Variants in GLIS3 observed in about 807,000 individuals in gnomAD.
GLIS3 encodes the protein zinc finger protein GLIS3.
GLIS3 carries 53 observed loss-of-function variants against 78.6 expected under a neutral mutation model. The observed-to-expected ratio is 0.67, with a 90% CI of 0.54 to 0.85. The LOEUF (loss-of-function observed/expected upper bound fraction) is 0.85, where lower values mean the gene tolerates loss of function less well. Ranked by LOEUF, GLIS3 falls within the 40% of genes least tolerant of loss-of-function variation. The pLI is 0.00. For synonymous variants in GLIS3, 684 were observed against 509.9 expected (o/e 1.34, Z -4.60); for missense variants, 1,703 against 1,231.1 (o/e 1.38, Z -5.74).
At chr9:3,916,093 A>G (rs951121899) in intron 6 of GLIS3, among the ~76,000 whole-genome samples, 1 of 152,238 alleles carries the variant, frequency 6.6e-6, no homozygotes, top group Non-Finnish European at 1.5e-5. Context: ...ATAATAATCA[A>G]TCCTTCTGAG....
chr9:4,247,177 CAA>C (rs1823881691), intron 2 of GLIS3, among the ~76,000 whole-genome samples: 1 of 152,188 alleles, frequency 6.6e-6, no homozygotes, highest in South Asian at 2.1e-4. Flanking sequence ...CAAGTCTCCA[CAA>C]AGTTTACATT....
intron 2 of GLIS3, among the ~76,000 whole-genome samples, chr9:4,346,591 G>T (rs1289109203): frequency 6.6e-6 from 1 of 152,232 alleles, no homozygotes; most frequent in Non-Finnish European, 1.5e-5. Context: ...GCCAGTCTCA[G>T]TTGCACCTTT....
intron 4 of GLIS3, among the ~76,000 whole-genome samples, chr9:4,107,258 C>G (rs534153003): frequency 1.2e-4 from 18 of 152,154 alleles, no homozygotes; most frequent in African/African-American, 1.9e-4. Flanking sequence ...ATACTATACT[C>G]TGTGTTCACC....
At chr9:4,252,740 C>T (rs926587847) in intron 2 of GLIS3, among the ~76,000 whole-genome samples, 13 of 152,128 alleles carry the variant, frequency 8.5e-5, no homozygotes, top group Non-Finnish European at 1.5e-4. Flanking sequence ...CCCTCATCTT[C>T]GTGGATTTAT....
chr9:4,335,574 C>T (rs1034736581), intron 2 of GLIS3, among the ~76,000 whole-genome samples: 5 of 152,222 alleles, frequency 3.3e-5, no homozygotes, highest in Non-Finnish European at 7.3e-5. Context: ...ATCTCCCTCA[C>T]CAGCCCTGGG....
intron 4 of GLIS3, among the ~76,000 whole-genome samples, chr9:4,011,977 G>A (rs1271755440): frequency 2.6e-5 from 4 of 152,120 alleles, no homozygotes; most frequent in African/African-American, 9.7e-5. Flanking sequence ...AAGGTGACAG[G>A]GGAGGGGGAG....
intron 6 of GLIS3, among the ~76,000 whole-genome samples, chr9:3,923,931 A>G (rs1353675196): frequency 6.6e-6 from 1 of 152,246 alleles, no homozygotes; most frequent in Non-Finnish European, 1.5e-5. Flanking sequence ...TGAGGTCAGT[A>G]AAAATCTATG....
the GLIS3 span, among the ~76,000 whole-genome samples, chr9:4,465,269 C>T: frequency 5.7e-4 from 87 of 152,190 alleles, no homozygotes; most frequent in African/African-American, 1.8e-3. Flanking sequence ...GATAATAGGC[C>T]GGGCACGGTG....
At chr9:4,088,854 C>T (rs1829259509) in intron 4 of GLIS3, among the ~76,000 whole-genome samples, 1 of 152,236 alleles carries the variant, frequency 6.6e-6, no homozygotes. Context: ...AGTTGAGATA[C>T]TTCACAGCCA....
the GLIS3 span, among the ~76,000 whole-genome samples, chr9:4,450,325 C>A: frequency 2.0e-5 from 3 of 152,088 alleles, no homozygotes; most frequent in South Asian, 6.2e-4. Context: ...ATGAACAAAG[C>A]CTCCAAGAAA....
chr9:4,479,276 T>C, the GLIS3 span, among the ~76,000 whole-genome samples: 1 of 152,184 alleles, frequency 6.6e-6, no homozygotes, highest in Non-Finnish European at 1.5e-5. Flanking sequence ...GAATAAAAGA[T>C]ACTTTACAAC....
At chr9:3,978,191 C>G (rs907564430) in intron 4 of GLIS3, among the ~76,000 whole-genome samples, 2 of 152,006 alleles carry the variant, frequency 1.3e-5, no homozygotes, top group Non-Finnish European at 2.9e-5. Flanking sequence ...GAGTGAAAAA[C>G]TGGCCAAAGT....
At chr9:4,215,098 G>C (rs1208444663) in intron 2 of GLIS3, among the ~76,000 whole-genome samples, 1 of 152,172 alleles carries the variant, frequency 6.6e-6, no homozygotes, top group African/African-American at 2.4e-5. Context: ...GTGGAGCAAA[G>C]AAGGGAGATT....
intron 4 of GLIS3, among the ~76,000 whole-genome samples, chr9:3,986,869 T>C (rs1216109472): frequency 6.6e-6 from 1 of 152,256 alleles, no homozygotes; most frequent in Non-Finnish European, 1.5e-5. Context: ...AAGTTTGGAA[T>C]GCAACCCAGA....
chr9:4,439,677 T>A, the GLIS3 span, among the ~76,000 whole-genome samples: 4 of 152,150 alleles, frequency 2.6e-5, no homozygotes, highest in East Asian at 5.8e-4. Flanking sequence ...TTGTTTTTGG[T>A]TTTTGTTCTT....
chr9:4,389,860 T>C, the GLIS3 span, among the ~76,000 whole-genome samples: 1 of 152,236 alleles, frequency 6.6e-6, no homozygotes, highest in Non-Finnish European at 1.5e-5. Context: ...TATTGGTTTA[T>C]CCTGCCAGGC....
chr9:4,191,805 C>G (rs1818357853), intron 2 of GLIS3, among the ~76,000 whole-genome samples: 1 of 151,546 alleles, frequency 6.6e-6, no homozygotes, highest in Non-Finnish European at 1.5e-5. Context: ...TACCAAGGTC[C>G]AAGGAAATTG....
intron 4 of GLIS3, among the ~76,000 whole-genome samples, chr9:3,939,247 T>C (rs146832725): frequency 1.1e-3 from 172 of 152,288 alleles, no homozygotes; most frequent in African/African-American, 4.0e-3. Flanking sequence ...AGAACTACTT[T>C]AGAATAAGAT....
At chr9:4,310,333 T>C (rs1817329870) in intron 3 of GLIS3, 1 of 152,176 alleles carries the variant, frequency 6.6e-6, no homozygotes, top group South Asian at 2.1e-4. Context: ...ACTGTATTGA[T>C]AGACTTCTTA....
Sources: allele counts gnomAD v4.1 joint callset (sites outside exome capture counted in the v4.1 genomes callset), GRCh38; gene constraint gnomAD v4.1.1; transcripts MANE v1.5; gene names NCBI Gene and HGNC (gene_info 2026-07-23, HGNC 2026-07-21).